NAV1: variants seen among roughly 807,000 people sequenced by gnomAD.
The protein encoded by NAV1 is pore membrane and/or filament interacting like protein 3.
In NAV1, 18 loss-of-function variants were observed where a neutral mutation model predicts 175.2. That is an observed-to-expected ratio of 0.10 (90% CI 0.07 to 0.15). The LOEUF (loss-of-function observed/expected upper bound fraction) is 0.15. Among genes scored for constraint, NAV1 ranks in the 10% least tolerant of loss-of-function variants. NAV1 has a pLI of 1.00. For missense variants in NAV1, 1,731 were observed against 2,436.6 expected, an observed-to-expected ratio of 0.71 and a Z score of 6.10; for synonymous variants, 897 against 978.7, an observed-to-expected ratio of 0.92 and a Z score of 1.56.
chr1:201,700,680 C>A (rs1394324421), intron 1 of NAV1, among the ~76,000 whole-genome samples: 1 of 152,104 alleles, frequency 6.6e-6, no homozygotes, highest in East Asian at 1.9e-4. Flanking sequence ...GACTTGGAAC[C>A]AACCCAAATG....
intron 1 of NAV1, among the ~76,000 whole-genome samples, chr1:201,582,012 C>T (rs890913411): frequency 6.6e-6 from 1 of 152,272 alleles, no homozygotes; most frequent in East Asian, 1.9e-4. Context: ...AGGAGAATGG[C>T]GTGAACCTGG....
intron 1 of NAV1, among the ~76,000 whole-genome samples, chr1:201,580,075 C>T (rs572450305): frequency 6.6e-6 from 1 of 152,326 alleles, no homozygotes; most frequent in Admixed American, 6.5e-5. Context: ...TCTTGATGTC[C>T]AAGGGCAAGA....
At chr1:201,674,480 C>T (rs926592843) in intron 1 of NAV1, among the ~76,000 whole-genome samples, 5 of 152,066 alleles carry the variant, frequency 3.3e-5, no homozygotes, top group African/African-American at 1.2e-4. Context: ...TCCAGCAAAA[C>T]ATGTATGTTA....
At chr1:201,772,982 G>A (rs1011292439) in intron 3 of NAV1, among the ~76,000 whole-genome samples, 4 of 149,780 alleles carry the variant, frequency 2.7e-5, no homozygotes, top group Admixed American at 2.0e-4. Flanking sequence ...GCAGTGAGCC[G>A]AGATCATGCC....
At chr1:201,626,821 G>GGT (rs1668343155) in intron 1 of NAV1, among the ~76,000 whole-genome samples, 2 of 152,232 alleles carry the variant, frequency 1.3e-5, no homozygotes, top group African/African-American at 4.8e-5. Flanking sequence ...TCTTCTCTCT[G>GGT]GTTCAACCTC....
At chr1:201,691,959 G>A (rs745419720) in intron 1 of NAV1, among the ~76,000 whole-genome samples, 5 of 152,190 alleles carry the variant, frequency 3.3e-5, no homozygotes, top group Non-Finnish European at 5.9e-5. Context: ...CTTGAAGCCA[G>A]CCCAGAAAGG....
chr1:201,772,948 G>T (rs1295598759), intron 3 of NAV1, among the ~76,000 whole-genome samples: 3 of 151,408 alleles, frequency 2.0e-5, no homozygotes, highest in African/African-American at 7.3e-5. Context: ...CAGGAGAATG[G>T]CATGAACCTG....
At position 201,679,355 on chromosome 1, in the gene NAV1, G is replaced by A. The variant is rs534228601; in HGVS notation, c.757+29930G>A. Among the ~76,000 whole-genome samples the A allele has an allele frequency of 2.6e-5, 4 of 152,168 alleles. No homozygotes were observed. The South Asian group carries it at 8.3e-4, about 32-fold the overall frequency. On this transcript the variant is annotated intron_variant, in intron 1 of 29. Coordinates refer to ENST00000367296, the Ensembl canonical transcript of NAV1. The stretch of plus-strand genomic sequence containing the variant: ...GCCCAGAGCTCCTTCCACCCCTAAA[G>A]GGCAAGGTCCTGATTTTTCCATCTC...
chr1:201,645,320 A>G (rs1668940855), upstream of NAV1, among the ~76,000 whole-genome samples: 1 of 146,136 alleles, frequency 6.8e-6, no homozygotes, highest in African/African-American at 2.5e-5. Context: ...CAAACACCGC[A>G]TGTTCTCACT....
intron 3 of NAV1, among the ~76,000 whole-genome samples, chr1:201,771,193 C>G (rs1675553913): frequency 6.6e-6 from 1 of 150,938 alleles, no homozygotes; most frequent in African/African-American, 2.4e-5. Flanking sequence ...GAGCCGAGAT[C>G]CCGCCACTGC....
At chr1:201,656,621 C>T (rs1480987496) in intron 1 of NAV1, among the ~76,000 whole-genome samples, 1 of 152,156 alleles carries the variant, frequency 6.6e-6, no homozygotes, top group African/African-American at 2.4e-5. Flanking sequence ...CCCTAGAACT[C>T]GGGTGAGGTT....
At position 201,700,734 on chromosome 1, in the gene NAV1, G is replaced by A. The variant is rs111475276; in HGVS notation, c.758-12083G>A. On this transcript the variant is annotated intron_variant, in intron 1 of 29. Transcript: ENST00000367296. ...GATTAAGAAAATGTAGCACATTGCC[G>A]GGCGCAATGGCTCACGCCTGTAATC... 5.5e-4 allele frequency among the ~76,000 whole-genome samples: 83 copies of A among 152,208 alleles called. 1 individual carries two copies. The highest frequency in any genetic ancestry group is 1.8e-3 in the Admixed American group (28 of 15,282).
intron 1 of NAV1, among the ~76,000 whole-genome samples, chr1:201,552,039 T>G (rs1665869786): frequency 6.6e-6 from 1 of 152,148 alleles, no homozygotes; most frequent in Non-Finnish European, 1.5e-5. Flanking sequence ...TCAGGGGCCG[T>G]AGGGAGGCCT....
intron 3 of NAV1, among the ~76,000 whole-genome samples, chr1:201,776,640 CAAAA>C (rs34504688): frequency 2.1e-5 from 2 of 97,098 alleles, no homozygotes; most frequent in Non-Finnish European, 4.2e-5. Flanking sequence ...GACTCCATCT[CAAAA>C]AAAAAAAAAA....
upstream of NAV1, among the ~76,000 whole-genome samples, chr1:201,647,037 A>G (rs1669000257): frequency 6.6e-6 from 1 of 152,188 alleles, no homozygotes; most frequent in African/African-American, 2.4e-5. Flanking sequence ...ATGGTTAGAC[A>G]TTCTGGCAAA....
At chr1:201,776,649 A>G (rs1325298013) in intron 3 of NAV1, among the ~76,000 whole-genome samples, 2 of 151,962 alleles carry the variant, frequency 1.3e-5, no homozygotes, top group Non-Finnish European at 2.9e-5. Context: ...TCAAAAAAAA[A>G]AAAAAAAGAG....
chr1:201,682,040 C>T (rs973081935), intron 1 of NAV1, among the ~76,000 whole-genome samples: 4 of 148,136 alleles, frequency 2.7e-5, no homozygotes, highest in East Asian at 4.1e-4. Flanking sequence ...TGCTTGAAAC[C>T]GGAAGGTGGA....
At chr1:201,806,711 C>G (rs1480826282) in intron 17 of NAV1, among the ~76,000 whole-genome samples, 6 of 152,198 alleles carry the variant, frequency 3.9e-5, no homozygotes, top group Non-Finnish European at 1.5e-5. Flanking sequence ...CTTTATGGTA[C>G]TTTTGAGCCC....
intron 1 of NAV1, among the ~76,000 whole-genome samples, chr1:201,583,358 C>T (rs1430541268): frequency 2.0e-5 from 3 of 152,252 alleles, no homozygotes; most frequent in Admixed American, 1.3e-4. Context: ...TCCAACAAGC[C>T]AACCCTTTTT....
Sources: gnomAD v4.1 joint callset for allele counts (sites outside exome capture counted in the v4.1 genomes callset) on GRCh38, gnomAD v4.1.1 for gene constraint, MANE v1.5 for transcripts, NCBI Gene and HGNC (gene_info 2026-07-23, HGNC 2026-07-21) for gene names.